JAK2: variants seen among roughly 807,000 people sequenced by gnomAD.
The protein encoded by JAK2 is Janus kinase 2.
JAK2 carries 86 observed loss-of-function variants against 139.3 expected under a neutral mutation model. That is an observed-to-expected ratio of 0.62 (90% CI 0.52 to 0.74). The LOEUF (loss-of-function observed/expected upper bound fraction) is 0.74. JAK2 is among the 30% of genes least tolerant of loss of function. JAK2 has a pLI of 0.00. For synonymous variants in JAK2, 490 were observed against 437.7 expected, an observed-to-expected ratio of 1.12 and a Z score of -1.49; for missense variants, 1,421 against 1,360.3, an observed-to-expected ratio of 1.04 and a Z score of -0.70.
At chr9:5,104,559 A>C (rs1279324922) in intron 22 of JAK2, among the ~76,000 whole-genome samples, 4 of 152,218 alleles carry the variant, frequency 2.6e-5, no homozygotes, top group Non-Finnish European at 5.9e-5. Context: ...AACTCATTTT[A>C]TGAGGCCAGC....
At chr9:4,997,195 G>A (rs889271142) in intron 2 of JAK2, among the ~76,000 whole-genome samples, 1 of 152,084 alleles carries the variant, frequency 6.6e-6, no homozygotes, top group Non-Finnish European at 1.5e-5. Context: ...GCCTCCCAAA[G>A]TGCTGGGATT....
At chr9:5,038,845 G>A (rs572314797) in intron 4 of JAK2, among the ~76,000 whole-genome samples, 7 of 152,052 alleles carry the variant, frequency 4.6e-5, no homozygotes, top group African/African-American at 1.7e-4. Flanking sequence ...TACAAGGCTA[G>A]TGTAACTTCC....
intron 2 of JAK2, among the ~76,000 whole-genome samples, chr9:5,003,318 G>T (rs1051122245): frequency 7.9e-5 from 12 of 152,044 alleles, no homozygotes; most frequent in African/African-American, 2.9e-4. Flanking sequence ...ACCGACATCT[G>T]AACCATACTG....
intron 22 of JAK2, chr9:5,112,284 T>G (rs576411381): frequency 9.9e-4 from 266 of 268,010 alleles, no homozygotes; most frequent in Admixed American, 1.3e-3. Flanking sequence ...GCCAGCCTCA[T>G]GCACATCCAT....
At chr9:5,095,612 T>C (rs1366038819) in intron 22 of JAK2, among the ~76,000 whole-genome samples, 2 of 152,106 alleles carry the variant, frequency 1.3e-5, no homozygotes, top group Non-Finnish European at 2.9e-5. Context: ...GGCATACTTC[T>C]CCTCACATGA....
intron 13 of JAK2, among the ~76,000 whole-genome samples, chr9:5,072,978 T>G (rs1351528678): frequency 6.6e-6 from 1 of 152,124 alleles, no homozygotes; most frequent in Non-Finnish European, 1.5e-5. Flanking sequence ...AAACCAAGTT[T>G]CAAAGGCACT....
chr9:5,077,239 A>G (rs1233330181), intron 14 of JAK2, among the ~76,000 whole-genome samples: 4 of 150,228 alleles, frequency 2.7e-5, no homozygotes, highest in African/African-American at 7.3e-5. Flanking sequence ...ATAATAATAT[A>G]TAATTGTTTA....
rs77351099 is a variant in JAK2 at position 5,063,742 on chromosome 9, C to G, written c.1057-1141C>G. Among the ~76,000 whole-genome samples the G allele has an allele frequency of 4.7e-3, 719 of 152,238 alleles. 4 individuals are homozygous for G. Among genetic ancestry groups the G allele is most frequent in the African/African-American group, 0.015 (630 of 41,556 alleles). ...TATTGATATTGCATCCTCTTTGTTA[C>G]AAATGGGGCTTTTTTCATTATATAA... On this transcript the variant is annotated intron_variant, in intron 8 of 24. Transcript: ENST00000381652.
rs773277076 is a variant in JAK2, at chr9:5,090,437, TGTTAA to T, written c.2762-8_2762-4del. The T allele has an allele frequency of 6.6e-7, 1 of 1,524,696 alleles. No homozygotes were observed. Among genetic ancestry groups the T allele is most frequent in the Non-Finnish European group, 8.9e-7 (1 of 1,129,432 alleles). 94.4% of individuals were successfully genotyped at this position (1,524,696 alleles called of 1,614,324 possible). On this transcript the variant is annotated splice_region_variant and splice_polypyrimidine_tract_variant and intron_variant, in intron 20 of 24. Transcript: ENST00000381652. ...GAGTAAAACATTATTTCCACCTTTA[TGTTAA>T]AAGGTCGGCGTAATCTAAAATTAAT... is the stretch of plus-strand genomic sequence containing the variant.
rs1822469167 is a variant in JAK2 at position 5,022,089 on chromosome 9, A to G, written c.102A>G (p.Gln34=). The change falls in exon 3 of 25, where the codon CAA becomes CAG. Residue 34 remains glutamine, a synonymous_variant. Coordinates refer to ENST00000381652, the MANE Select transcript of JAK2 (RefSeq NM_004972.4). The part of the protein sequence containing the change: ...DISGNANSMK[Q]IDPVLQVYLY... The stretch of plus-strand genomic sequence containing the variant: ...CTGGAAATGCCAATTCTATGAAGCA[A>G]ATAGATCCAGTTCTTCAGGTGTATC... The G allele has an allele frequency of 3.7e-6, 6 of 1,613,630 alleles. No individual in the cohort carries two copies. Among genetic ancestry groups the G allele is most frequent in the Admixed American group, 1.7e-5 (1 of 60,014 alleles).
Position 5,111,615 on chromosome 9 carries a change from T to G in JAK2, c.3060-11389T>G, listed in dbSNP as rs1822547667. ...TGGAGTTCCCTGGGCCAGGTGGGCT[T>G]TGGCCCCATGCTGGGCGGGGGCTCA... is the stretch of plus-strand genomic sequence containing the variant. On this transcript the variant is annotated intron_variant, in intron 22 of 24. Transcript: ENST00000381652. 3.0e-5 allele frequency: 11 copies of G among 372,716 alleles called. 1 individual carries two copies. Among genetic ancestry groups the G allele is most frequent in the South Asian group, 2.0e-4 (10 of 49,358 alleles). The allele number at this position is 372,716 out of a possible 1,614,324, so 23.1% of individuals were successfully genotyped here.
intron 22 of JAK2, among the ~76,000 whole-genome samples, chr9:5,092,599 G>C (rs1449192215): frequency 6.6e-6 from 1 of 152,126 alleles, no homozygotes; most frequent in Non-Finnish European, 1.5e-5. Context: ...AGTACCGTAA[G>C]GGAAAGATGA....
intron 2 of JAK2, among the ~76,000 whole-genome samples, chr9:5,012,726 T>C (rs1262355632): frequency 6.6e-6 from 1 of 152,240 alleles, no homozygotes; most frequent in African/African-American, 2.4e-5. Flanking sequence ...TGAGGTTCTT[T>C]GTTGAATTAT....
At chr9:5,078,215 T>A (rs1371857957) in intron 15 of JAK2, 91 bp from the exon 16 acceptor site, 3 of 1,060,990 alleles carry the variant, frequency 2.8e-6, no homozygotes, top group Admixed American at 5.1e-5. Flanking sequence ...TGTATTTTTC[T>A]TCTTTAAATC....
At chr9:5,045,503 C>T (rs1816941483) in intron 5 of JAK2, among the ~76,000 whole-genome samples, 2 of 152,294 alleles carry the variant, frequency 1.3e-5, no homozygotes, top group South Asian at 2.1e-4. Context: ...ACCATCACCA[C>T]CATCCATCTC....
At chr9:4,992,660 A>G (rs780170084) in intron 2 of JAK2, among the ~76,000 whole-genome samples, 1 of 152,114 alleles carries the variant, frequency 6.6e-6, no homozygotes, top group Non-Finnish European at 1.5e-5. Flanking sequence ...CCAGGTACAG[A>G]ATAGTTTTCT....
chr9:5,057,629 C>G (rs78897788), intron 8 of JAK2, among the ~76,000 whole-genome samples: 5,165 of 136,842 alleles, frequency 0.038, 242 homozygotes, highest in African/African-American at 0.12. Context: ...GTCATCCAGG[C>G]TGGAGCACAA....
chr9:5,103,996 C>A (rs1330613634), intron 22 of JAK2, among the ~76,000 whole-genome samples: 1 of 152,096 alleles, frequency 6.6e-6, no homozygotes, highest in Non-Finnish European at 1.5e-5. Flanking sequence ...CTTAACATCA[C>A]AATTAAAAGA....
chr9:5,124,164 G>C (rs1490005737), intron 23 of JAK2, among the ~76,000 whole-genome samples: 6 of 151,684 alleles, frequency 4.0e-5, no homozygotes, highest in South Asian at 2.1e-4. Context: ...CAGGTTTTCT[G>C]TTCATTCTGT....
Sources: allele counts gnomAD v4.1 joint callset (sites outside exome capture counted in the v4.1 genomes callset), GRCh38; gene constraint gnomAD v4.1.1; transcripts MANE v1.5; gene names NCBI Gene and HGNC (gene_info 2026-07-23, HGNC 2026-07-21).